Variants in C3orf49 observed in about 807,000 individuals in gnomAD.
The protein encoded by C3orf49 is putative uncharacterized protein C3orf49.
Under a neutral mutation model 13.3 loss-of-function variants are expected in C3orf49, and 27 were observed. The observed-to-expected ratio is 2.02, with a 90% CI of 1.49 to 2.79. The LOEUF is 2.79. Among genes scored for constraint, C3orf49 ranks in the 30% most tolerant of loss-of-function variants. The pLI is 0.00. For missense variants in C3orf49, 242 were observed against 134.2 expected (o/e 1.80, Z -3.97); for synonymous variants, 87 against 47.6 (o/e 1.83, Z -3.40).
rs144002394 is a variant in C3orf49 at position 63,834,090 on chromosome 3, A to T, written c.849+2246A>T. The T allele has an allele frequency of 2.5e-4, 402 of 1,596,466 alleles. 2 individuals are homozygous for T. In the African/African-American group the frequency reaches 4.1e-3, roughly 16 times the overall value. The stretch of plus-strand genomic sequence containing the variant: ...CATTTTAAACACATTATGGTCATGT[A>T]GCTATTTCAATATTCCTGGGAGTGG... On this transcript the variant is annotated intron_variant, in intron 5 of 6. Transcript: ENST00000295896.
chr3:63,818,846 G>C (rs1410426907), upstream of C3orf49, among the ~76,000 whole-genome samples: 1 of 152,202 alleles, frequency 6.6e-6, no homozygotes, highest in Admixed American at 6.5e-5. Flanking sequence ...TACTTTGAGA[G>C]ACCACTGCAA....
the C3orf49 span, among the ~76,000 whole-genome samples, chr3:63,789,336 C>T: frequency 3.9e-5 from 6 of 152,170 alleles, no homozygotes; most frequent in African/African-American, 1.4e-4. Flanking sequence ...GTCCCTGGTG[C>T]CAAAAAGGTT....
chr3:63,833,827 T>C (rs1163728037), intron 5 of C3orf49: 4 of 235,838 alleles, frequency 1.7e-5, no homozygotes, highest in African/African-American at 9.0e-5. Context: ...CAATCAATGT[T>C]ACCAGTTAAA....
chr3:63,846,493 C>T (rs1445405535), intron 6 of C3orf49, among the ~76,000 whole-genome samples: 5 of 152,098 alleles, frequency 3.3e-5, no homozygotes, highest in Non-Finnish European at 7.4e-5. Flanking sequence ...CCACAACCTT[C>T]GTCTCCTGGG....
chr3:63,821,578 A>G (rs1254774708), intron 1 of C3orf49, among the ~76,000 whole-genome samples: 1 of 152,156 alleles, frequency 6.6e-6, no homozygotes, highest in Non-Finnish European at 1.5e-5. Flanking sequence ...ATAGTTAAAC[A>G]AAGTGTGGTA....
chr3:63,803,274 C>G, the C3orf49 span, among the ~76,000 whole-genome samples: 1 of 152,124 alleles, frequency 6.6e-6, no homozygotes, highest in Admixed American at 6.5e-5. Context: ...CTTGGCAATT[C>G]CTCCTAATAA....
chr3:63,787,799 G>C, the C3orf49 span, among the ~76,000 whole-genome samples: 1 of 152,082 alleles, frequency 6.6e-6, no homozygotes, highest in African/African-American at 2.4e-5. Context: ...AGAAATATTT[G>C]AGCCACAAAA....
chr3:63,837,041 T>C (rs1292768421), intron 5 of C3orf49, among the ~76,000 whole-genome samples: 1 of 151,758 alleles, frequency 6.6e-6, no homozygotes, highest in Non-Finnish European at 1.5e-5. Context: ...ATACACATTT[T>C]AAACTGAAAA....
the C3orf49 span, among the ~76,000 whole-genome samples, chr3:63,807,320 T>C: frequency 6.6e-6 from 1 of 152,196 alleles, no homozygotes; most frequent in Non-Finnish European, 1.5e-5. Flanking sequence ...CTTTCACTCA[T>C]ATTTTTTTCA....
upstream of C3orf49, among the ~76,000 whole-genome samples, chr3:63,815,819 T>G (rs1212611304): frequency 6.8e-6 from 1 of 147,864 alleles, no homozygotes; most frequent in African/African-American, 2.5e-5. Flanking sequence ...CAGGCTGGAG[T>G]GCAGTGGCCT....
the C3orf49 span, among the ~76,000 whole-genome samples, chr3:63,791,208 G>T: frequency 6.6e-6 from 1 of 152,196 alleles, no homozygotes; most frequent in East Asian, 1.9e-4. Flanking sequence ...TATGGGAAGA[G>T]CATGGATATT....
the C3orf49 span, among the ~76,000 whole-genome samples, chr3:63,789,174 G>C: frequency 6.6e-6 from 1 of 152,072 alleles, no homozygotes; most frequent in African/African-American, 2.4e-5. Flanking sequence ...ATTGGAGTGT[G>C]AACCCTATTG....
At chr3:63,834,370 A>G (rs755501353) in intron 5 of C3orf49, among the ~76,000 whole-genome samples, 8 of 152,114 alleles carry the variant, frequency 5.3e-5, no homozygotes, top group Non-Finnish European at 1.2e-4. Context: ...TAAAAAAAAA[A>G]AAATCCAGGC....
At chr3:63,836,525 T>C (rs1342124539) in intron 5 of C3orf49, among the ~76,000 whole-genome samples, 1 of 152,028 alleles carries the variant, frequency 6.6e-6, no homozygotes, top group African/African-American at 2.4e-5. Flanking sequence ...GTTATAATTA[T>C]AACGATACAT....
chr3:63,804,471 CCTT>C, the C3orf49 span, among the ~76,000 whole-genome samples: 1 of 152,140 alleles, frequency 6.6e-6, no homozygotes, highest in African/African-American at 2.4e-5. Flanking sequence ...TTACCATGCT[CCTT>C]CTTGCTACAG....
the C3orf49 span, among the ~76,000 whole-genome samples, chr3:63,810,361 T>C: frequency 6.6e-6 from 1 of 152,196 alleles, no homozygotes; most frequent in Non-Finnish European, 1.5e-5. Context: ...AATTGGGAAC[T>C]TTCATCTGTT....
At chr3:63,789,576 T>A in the C3orf49 span, among the ~76,000 whole-genome samples, 2 of 151,940 alleles carry the variant, frequency 1.3e-5, no homozygotes, top group Non-Finnish European at 2.9e-5. Flanking sequence ...TTTGGGAGGC[T>A]GAGGAGGGTG....
the C3orf49 span, among the ~76,000 whole-genome samples, chr3:63,792,230 C>G: frequency 6.6e-6 from 1 of 152,100 alleles, no homozygotes. Flanking sequence ...AACAACTGCC[C>G]CAAAAATATT....
At chr3:63,804,826 C>G in the C3orf49 span, among the ~76,000 whole-genome samples, 1 of 152,108 alleles carries the variant, frequency 6.6e-6, no homozygotes, top group Non-Finnish European at 1.5e-5. Flanking sequence ...GCAAGGAATT[C>G]CCTGTGTCTC....
Sources: gnomAD v4.1 joint callset for allele counts (sites outside exome capture counted in the v4.1 genomes callset) on GRCh38, gnomAD v4.1.1 for gene constraint, MANE v1.5 for transcripts, NCBI Gene and HGNC (gene_info 2026-07-23, HGNC 2026-07-21) for gene names.